Variants in GABRB1 observed in about 807,000 individuals in gnomAD.
GABRB1 encodes gamma-aminobutyric acid type A receptor subunit beta1.
In GABRB1, 17 loss-of-function variants were observed where a neutral mutation model predicts 51.6. The observed-to-expected ratio is 0.33, with a 90% CI of 0.23 to 0.49. The LOEUF is 0.49. Ranked by LOEUF, GABRB1 falls within the 20% of genes least tolerant of loss-of-function variation. GABRB1 has a pLI of 0.99. For missense variants in GABRB1, 410 were observed against 600.6 expected, an observed-to-expected ratio of 0.68 and a Z score of 3.32; for synonymous variants, 247 against 218.9, an observed-to-expected ratio of 1.13 and a Z score of -1.14.
intron 3 of GABRB1, among the ~76,000 whole-genome samples, chr4:47,140,093 AACACAC>A (rs67749563): frequency 0.12 from 16,602 of 135,214 alleles, 1,251 homozygotes; most frequent in East Asian, 0.23. Context: ...AAATTAAATT[AACACAC>A]ACACACACAC....
chr4:47,174,295 G>A (rs1718572830), intron 4 of GABRB1, among the ~76,000 whole-genome samples: 1 of 152,080 alleles, frequency 6.6e-6, no homozygotes. Flanking sequence ...TTAAATGCCT[G>A]GCCTCAAGCA....
chr4:47,068,999 T>G (rs570163236), intron 3 of GABRB1, among the ~76,000 whole-genome samples: 2 of 152,308 alleles, frequency 1.3e-5, no homozygotes, highest in South Asian at 4.1e-4. Flanking sequence ...TTTTTATCAC[T>G]CTGGGCATTT....
intron 1 of GABRB1, among the ~76,000 whole-genome samples, chr4:47,008,853 C>CTTTTTTTTTTTTTTTTTTTTTTTTTTT (rs1491180948): frequency 2.5e-5 from 2 of 80,096 alleles, no homozygotes; most frequent in African/African-American, 1.1e-4. Context: ...CAGATACTAC[C>CTTTTTTTTTTTTTTTTTTTTTTTTTTT]TTTTTTTTTT....
At chr4:47,117,305 A>T (rs890080402) in intron 3 of GABRB1, among the ~76,000 whole-genome samples, 1 of 152,184 alleles carries the variant, frequency 6.6e-6, no homozygotes, top group African/African-American at 2.4e-5. Flanking sequence ...TAAAATCCCT[A>T]TATAATATGC....
At chr4:47,099,068 G>A (rs577202450) in intron 3 of GABRB1, among the ~76,000 whole-genome samples, 7 of 152,098 alleles carry the variant, frequency 4.6e-5, no homozygotes, top group South Asian at 2.1e-4. Flanking sequence ...TCCCCTCCAC[G>A]TTTGGCAATA....
At chr4:47,299,214 G>T (rs372805568) in intron 4 of GABRB1, among the ~76,000 whole-genome samples, 1 of 152,160 alleles carries the variant, frequency 6.6e-6, no homozygotes, top group Non-Finnish European at 1.5e-5. Context: ...AAAAGCAATG[G>T]CAGCAAAAGA....
Position 47,239,297 on chromosome 4 carries a change from A to T in GABRB1, c.461+77828A>T, listed in dbSNP as rs745570168. ...ATATTGTTGACTGAATCAGTTGTTC[A>T]TTTATAATTTCTGTGTAATATTCTA... On this transcript the variant is annotated intron_variant, in intron 4 of 8. Coordinates refer to ENST00000295454, the MANE Select transcript of GABRB1 (RefSeq NM_000812.4). 2.0e-5 allele frequency among the ~76,000 whole-genome samples: 3 copies of T among 152,318 alleles called. No individual in the cohort carries two copies. The South Asian group carries it at 6.2e-4, about 32-fold the overall frequency.
At chr4:47,320,464 A>C (rs1353229745) in intron 5 of GABRB1, among the ~76,000 whole-genome samples, 1 of 152,198 alleles carries the variant, frequency 6.6e-6, no homozygotes, top group Admixed American at 6.5e-5. Context: ...GTTTCTCCCA[A>C]AGCCTTCCAA....
intron 3 of GABRB1, among the ~76,000 whole-genome samples, chr4:47,108,363 T>C (rs1197858896): frequency 6.6e-6 from 1 of 152,064 alleles, no homozygotes; most frequent in Non-Finnish European, 1.5e-5. Context: ...TTGACAAACC[T>C]TCCGGAGTAT....
intron 4 of GABRB1, among the ~76,000 whole-genome samples, chr4:47,275,528 T>C (rs1004148570): frequency 1.3e-5 from 2 of 152,290 alleles, no homozygotes; most frequent in East Asian, 3.9e-4. Flanking sequence ...AGGGACTAAA[T>C]AATGATAAAG....
chr4:47,089,277 C>A (rs949912960), intron 3 of GABRB1, among the ~76,000 whole-genome samples: 3 of 152,272 alleles, frequency 2.0e-5, no homozygotes, highest in Admixed American at 6.5e-5. Flanking sequence ...CACCATTCTC[C>A]CTTCTTGCCC....
intron 3 of GABRB1, among the ~76,000 whole-genome samples, chr4:47,138,675 G>A (rs1021011979): frequency 5.3e-5 from 8 of 152,060 alleles, no homozygotes; most frequent in Non-Finnish European, 1.2e-4. Context: ...TCAAGCATGT[G>A]AAGCATGCCC....
intron 4 of GABRB1, among the ~76,000 whole-genome samples, chr4:47,236,356 T>A (rs1721334479): frequency 6.6e-6 from 1 of 152,118 alleles, no homozygotes; most frequent in Admixed American, 6.6e-5. Flanking sequence ...AGCAATGAAT[T>A]ACATACATCT....
intron 1 of GABRB1, among the ~76,000 whole-genome samples, chr4:46,998,314 GGACATTAA>G (rs1463499543): frequency 2.0e-5 from 3 of 152,040 alleles, no homozygotes; most frequent in South Asian, 4.1e-4. Context: ...AGATCAAGTT[GGACATTAA>G]GACAATGTAT....
chr4:47,390,566 C>T (rs1727949900), intron 5 of GABRB1, among the ~76,000 whole-genome samples: 2 of 152,182 alleles, frequency 1.3e-5, no homozygotes, highest in African/African-American at 4.8e-5. Flanking sequence ...TTAATTTTAT[C>T]TGTACTTTCT....
At position 47,014,969 on chromosome 4, in the gene GABRB1, C is replaced by T. The variant is rs944709862; in HGVS notation, c.-19-16945C>T. 2.0e-5 allele frequency among the ~76,000 whole-genome samples: 3 copies of T among 152,166 alleles called. No individual in the cohort carries two copies. In the East Asian group the frequency reaches 5.8e-4, roughly 29 times the overall value. On this transcript the variant is annotated intron_variant, in intron 1 of 3. Transcript: ENST00000513567. Reference sequence around the variant, plus strand: ...CCTTGCAGACTGGAGTGCAATGGCACGATTTTGGCTCACTGCAACCTCTGC... The same window carrying T: ...CCTTGCAGACTGGAGTGCAATGGCATGATTTTGGCTCACTGCAACCTCTGC...
intron 3 of GABRB1, among the ~76,000 whole-genome samples, chr4:47,145,411 G>A (rs1024080695): frequency 2.6e-5 from 4 of 151,984 alleles, no homozygotes; most frequent in African/African-American, 7.2e-5. Context: ...AAGCCCACAA[G>A]TACTTTCAAC....
chr4:47,130,965 C>A (rs1472524270), intron 3 of GABRB1, among the ~76,000 whole-genome samples: 1 of 152,174 alleles, frequency 6.6e-6, no homozygotes, highest in Non-Finnish European at 1.5e-5. Flanking sequence ...AGTCATCAAA[C>A]TGACAAGTGG....
chr4:47,302,907 A>G (rs1560323919), intron 4 of GABRB1, among the ~76,000 whole-genome samples: 2 of 152,020 alleles, frequency 1.3e-5, no homozygotes, highest in African/African-American at 2.4e-5. Context: ...TAATGGTCAC[A>G]GAAATTAACT....
Sources: allele counts gnomAD v4.1 joint callset (sites outside exome capture counted in the v4.1 genomes callset), GRCh38; gene constraint gnomAD v4.1.1; transcripts MANE v1.5; gene names NCBI Gene and HGNC (gene_info 2026-07-23, HGNC 2026-07-21).